RYR2: variants seen among roughly 807,000 people sequenced by gnomAD.
RYR2 encodes the protein ryanodine receptor 2.
Under a neutral mutation model 601.1 loss-of-function variants are expected in RYR2, and 227 were observed. The ratio of observed to expected loss-of-function variants is 0.38; its 90% confidence interval spans 0.34 to 0.42. The LOEUF is 0.42. Ranked by LOEUF, RYR2 falls within the 10% of genes least tolerant of loss-of-function variation. RYR2 has a pLI of 1.00. For synonymous variants in RYR2, 2,223 were observed against 2,175.1 expected, an observed-to-expected ratio of 1.02 and a Z score of -0.61; for missense variants, 4,646 against 6,156.5, an observed-to-expected ratio of 0.75 and a Z score of 8.21.
intron 5 of RYR2, among the ~76,000 whole-genome samples, chr1:237,367,091 T>C (rs1301865753): frequency 7.4e-6 from 1 of 135,474 alleles, no homozygotes; most frequent in Non-Finnish European, 1.7e-5. Flanking sequence ...TGTTTTTGTT[T>C]TTTTGTTTGT....
rs1257665818 is a variant in RYR2 at position 237,832,780 on chromosome 1, GCT to G, written c.*136_*137del. On this transcript the variant is annotated 3_prime_UTR_variant, in exon 105 of 105. Coordinates refer to ENST00000366574, the MANE Select transcript of RYR2 (RefSeq NM_001035.3). ...TTGTGTGTTTTCTGGGAGCATCGAAGCTCTGTTTCGGAAGAGCTGTTTCCTCC... is the reference window on the plus strand; with the variant it reads ...TTGTGTGTTTTCTGGGAGCATCGAAGCTGTTTCGGAAGAGCTGTTTCCTCC... 4 of 552,704 alleles carry G rather than the reference GCT, an allele frequency of 7.2e-6. No homozygotes were observed. The highest frequency in any genetic ancestry group is 1.9e-5 in the African/African-American group (1 of 52,640). The allele number at this position is 552,704 out of a possible 1,614,324, so 34.2% of individuals were successfully genotyped here. A position where few individuals can be genotyped will look rare whatever the true frequency, so the allele number is the denominator to read the frequency against.
At chr1:237,246,325 A>G (rs1371451466) in intron 1 of RYR2, among the ~76,000 whole-genome samples, 1 of 148,858 alleles carries the variant, frequency 6.7e-6, no homozygotes, top group East Asian at 2.0e-4. Context: ...CGAACTCCTG[A>G]CCTCAGGTGA....
At chr1:237,146,962 T>C (rs1674067728) in intron 1 of RYR2, among the ~76,000 whole-genome samples, 2 of 152,198 alleles carry the variant, frequency 1.3e-5, no homozygotes, top group Admixed American at 1.3e-4. Flanking sequence ...AAATTGCCCT[T>C]AATTTTATAC....
chr1:237,655,946 T>C lies in RYR2; in HGVS notation c.8091T>C (p.Ser2697=). ...TGGAAAAACAGTCATCAATGGATTC[T>C]GAAGGGAACTTTAACCCACAACCTG... ...SMMEKQSSMD[S]EGNFNPQPVD... The change falls in exon 53 of 105, where the codon TCT becomes TCC. Residue 2697 remains serine, a synonymous_variant. Coordinates refer to ENST00000366574, the MANE Select transcript of RYR2 (RefSeq NM_001035.3). The C allele has an allele frequency of 6.2e-7, 1 of 1,613,588 alleles. No individual in the cohort carries two copies. The highest frequency in any genetic ancestry group is 8.5e-7 in the Non-Finnish European group (1 of 1,179,690).
chr1:237,782,556 A>C (rs1558401548), intron 89 of RYR2, among the ~76,000 whole-genome samples: 1 of 152,156 alleles, frequency 6.6e-6, no homozygotes, highest in Non-Finnish European at 1.5e-5. Flanking sequence ...CATCTGCTTA[A>C]AGCCCTTAGT....
chr1:237,817,114 A>G (rs1661924693), intron 100 of RYR2, among the ~76,000 whole-genome samples: 1 of 152,142 alleles, frequency 6.6e-6, no homozygotes. Flanking sequence ...GCTCTTTATT[A>G]TATGCCAGGC....
At chr1:237,158,072 A>T (rs1371594047) in intron 1 of RYR2, among the ~76,000 whole-genome samples, 4 of 152,238 alleles carry the variant, frequency 2.6e-5, no homozygotes, top group African/African-American at 9.6e-5. Context: ...AAGTTTACAA[A>T]TTGCTTAAAA....
chr1:237,512,894 A>G (rs891311000), intron 24 of RYR2, among the ~76,000 whole-genome samples: 2 of 152,090 alleles, frequency 1.3e-5, no homozygotes, highest in African/African-American at 4.8e-5. Context: ...ATAAAAATAA[A>G]TTTAAAAGGA....
In RYR2 at chr1:237,385,626, A is replaced by G. The variant is rs1301995222; in HGVS notation, c.577-1655A>G. ...ACAGATATGAGCACGGGTATTTTGA[A>G]TTATTTTCAGAGTTTGGTTAAAATC... On this transcript the variant is annotated intron_variant, in intron 8 of 104. Coordinates refer to ENST00000366574, the MANE Select transcript of RYR2 (RefSeq NM_001035.3). Among the ~76,000 whole-genome samples, 7 of 152,324 alleles carry G rather than the reference A, an allele frequency of 4.6e-5. No individual in the cohort carries two copies. In the East Asian group the frequency reaches 1.4e-3, roughly 29 times the overall value.
chr1:237,124,201 C>T (rs1671146833), intron 1 of RYR2, among the ~76,000 whole-genome samples: 1 of 152,170 alleles, frequency 6.6e-6, no homozygotes, highest in African/African-American at 2.4e-5. Context: ...TGTCAGCCAT[C>T]ACATGTCCAG....
intron 1 of RYR2, among the ~76,000 whole-genome samples, chr1:237,082,905 C>T (rs1665893744): frequency 6.6e-6 from 1 of 152,032 alleles, no homozygotes; most frequent in Non-Finnish European, 1.5e-5. Context: ...ATCACTAAAG[C>T]CTGATTAATG....
At chr1:237,203,249 A>G (rs1233631991) in intron 1 of RYR2, among the ~76,000 whole-genome samples, 1 of 152,170 alleles carries the variant, frequency 6.6e-6, no homozygotes. Context: ...TGTGTATTAA[A>G]TGGGTGTTAA....
intron 1 of RYR2, among the ~76,000 whole-genome samples, chr1:237,051,753 A>G (rs1420851558): frequency 2.0e-5 from 3 of 152,154 alleles, no homozygotes; most frequent in African/African-American, 7.2e-5. Context: ...CTACCTGCAA[A>G]GAAGTGAAGT....
intron 38 of RYR2, among the ~76,000 whole-genome samples, chr1:237,621,724 A>G (rs1029504735): frequency 1.3e-5 from 2 of 152,246 alleles, no homozygotes; most frequent in African/African-American, 4.8e-5. Context: ...GGTACCTCAT[A>G]AATACATACA....
At chr1:237,380,913 A>G (rs1470400378) in intron 8 of RYR2, among the ~76,000 whole-genome samples, 2 of 152,076 alleles carry the variant, frequency 1.3e-5, no homozygotes, top group African/African-American at 2.4e-5. Context: ...CCCCGTCTCT[A>G]CTAAAAATAC....
intron 1 of RYR2, among the ~76,000 whole-genome samples, chr1:237,197,835 C>T (rs967625031): frequency 6.6e-6 from 1 of 152,108 alleles, no homozygotes; most frequent in South Asian, 2.1e-4. Context: ...AGTTTGTGGG[C>T]AGAACATAGG....
At chr1:237,047,356 T>C (rs566702042) in intron 1 of RYR2, among the ~76,000 whole-genome samples, 1 of 150,628 alleles carries the variant, frequency 6.6e-6, no homozygotes, top group East Asian at 2.0e-4. Context: ...ATCTTGGTCC[T>C]GGAAGCCAAG....
At chr1:237,374,332 G>A (rs937556116) in intron 6 of RYR2, among the ~76,000 whole-genome samples, 5 of 151,610 alleles carry the variant, frequency 3.3e-5, no homozygotes, top group South Asian at 2.1e-4. Context: ...ATCACCTTGG[G>A]CAACATAGGG....
intron 66 of RYR2, among the ~76,000 whole-genome samples, chr1:237,704,072 C>A (rs74567781): frequency 0.02 from 3,035 of 152,146 alleles, 97 homozygotes; most frequent in African/African-American, 0.07. Context: ...TTTTAGAAGG[C>A]GACTTTTGAA....
Sources: gnomAD v4.1 joint callset for allele counts (sites outside exome capture counted in the v4.1 genomes callset) on GRCh38, gnomAD v4.1.1 for gene constraint, MANE v1.5 for transcripts, NCBI Gene and HGNC (gene_info 2026-07-23, HGNC 2026-07-21) for gene names.